The following ZMYND11 variants were observed in gnomAD, a reference collection of about 807,000 sequenced individuals.
ZMYND11 encodes zinc finger MYND domain-containing protein 11.
A neutral mutation model predicts 84.9 loss-of-function variants in ZMYND11; 9 were observed. The ratio of observed to expected loss-of-function variants is 0.11; its 90% CI spans 0.06 to 0.18. The LOEUF is 0.18. ZMYND11 is among the 10% of genes least tolerant of loss of function. ZMYND11 has a pLI of 1.00. For synonymous variants in ZMYND11, 250 were observed against 244.1 expected (o/e 1.02, Z -0.23); for missense variants, 409 against 761.0 (o/e 0.54, Z 5.44).
At chr10:250,480 G>A (rs1029407432) in intron 14 of ZMYND11, among the ~76,000 whole-genome samples, 3 of 152,130 alleles carry the variant, frequency 2.0e-5, no homozygotes, top group Non-Finnish European at 2.9e-5. Flanking sequence ...GGGCGATGGA[G>A]CAAGACCCTG....
chr10:158,792 A>G (rs1842283659), intron 1 of ZMYND11, among the ~76,000 whole-genome samples: 1 of 151,784 alleles, frequency 6.6e-6, no homozygotes, highest in African/African-American at 2.4e-5. Context: ...TTTGATTTGC[A>G]TTTCTGTAAT....
In ZMYND11 at chr10:254,489, G is replaced by A. The variant is rs1425375416; in HGVS notation, c.*2019G>A. ...AATCATAAAGCTATATCGAGGTGTT[G>A]AGCTTAGCCACTATGCACATTGTAA... On this transcript the variant is annotated 3_prime_UTR_variant, in exon 15 of 15. Transcript: ENST00000381604. 7 of 152,610 alleles carry A rather than the reference G, an allele frequency of 4.6e-5. No individual in the cohort carries two copies. In the East Asian group the frequency reaches 1.3e-3, roughly 29 times the overall value. The allele number at this position is 152,610 out of a possible 1,614,324, so 9.5% of individuals were successfully genotyped here. A position where few individuals can be genotyped will look rare whatever the true frequency, so the allele number is the denominator to read the frequency against.
chr10:186,100 C>G (rs923192596), intron 2 of ZMYND11, among the ~76,000 whole-genome samples: 3 of 151,412 alleles, frequency 2.0e-5, no homozygotes, highest in Admixed American at 2.0e-4. Context: ...AGCTCCGCCT[C>G]CCGGGTTCAC....
At chr10:218,486 C>T in intron 3 of ZMYND11, 2 of 393,692 alleles carry the variant, frequency 5.1e-6, no homozygotes, top group South Asian at 2.0e-5. Context: ...TCCAGGACAG[C>T]AGCCCCAAAC....
chr10:205,165 T>G (rs1473915314), intron 2 of ZMYND11, among the ~76,000 whole-genome samples: 1 of 152,188 alleles, frequency 6.6e-6, no homozygotes, highest in African/African-American at 2.4e-5. Flanking sequence ...CTTTGGAAAT[T>G]GGCCTTTTAA....
At position 242,147 on chromosome 10, in the gene ZMYND11, G is replaced by A. The variant is rs756808886; in HGVS notation, c.950+8G>A. On this transcript the variant is annotated splice_region_variant and intron_variant, in intron 10 of 14. Transcript: ENST00000381604. ...TGGCCACCACCACCAGAGGTAATTTGTGATCCCATGTTCAGCGGTCACAGC... is the reference window on the plus strand; with the variant it reads ...TGGCCACCACCACCAGAGGTAATTTATGATCCCATGTTCAGCGGTCACAGC... The A allele has an allele frequency of 1.2e-6, 2 of 1,613,804 alleles. No individual in the cohort carries two copies. Among genetic ancestry groups the A allele is most frequent in the Admixed American group, 1.7e-5 (1 of 59,982 alleles).
intron 3 of ZMYND11, among the ~76,000 whole-genome samples, chr10:215,122 T>C (rs371552541): frequency 2.0e-5 from 3 of 152,228 alleles, no homozygotes; most frequent in African/African-American, 7.2e-5. Context: ...AAAGCTAGAA[T>C]ATTATTTGAC....
chr10:227,346 A>G (rs1948307538), intron 4 of ZMYND11, among the ~76,000 whole-genome samples: 1 of 152,166 alleles, frequency 6.6e-6, no homozygotes, highest in South Asian at 2.1e-4. Context: ...TTAAAAATGG[A>G]CTCAGGAGTC....
At chr10:186,380 C>G (rs1318204481) in intron 2 of ZMYND11, among the ~76,000 whole-genome samples, 1 of 151,776 alleles carries the variant, frequency 6.6e-6, no homozygotes, top group Admixed American at 6.6e-5. Flanking sequence ...CCATGGCTCA[C>G]GCCTGTAATC....
intron 1 of ZMYND11, among the ~76,000 whole-genome samples, chr10:141,293 A>G (rs2131139455): frequency 6.6e-6 from 1 of 152,306 alleles, no homozygotes; most frequent in Admixed American, 6.5e-5. Context: ...AAACTCTGGT[A>G]TGTGCCATAT....
In ZMYND11 at chr10:195,333, A is replaced by G. The variant is rs568689675; in HGVS notation, c.117-14556A>G. Among the ~76,000 whole-genome samples the G allele has an allele frequency of 8.5e-5, 13 of 152,380 alleles. No homozygotes were observed. In the South Asian group the frequency reaches 2.7e-3, roughly 32 times the overall value. ...GAAATACAAGAACGAATAATGAGCA[A>G]AGACTTGATAAATATGTGTTTAAAA... is the stretch of plus-strand genomic sequence containing the variant. On this transcript the variant is annotated intron_variant, in intron 2 of 14. Transcript: ENST00000381604.
intron 2 of ZMYND11, chr10:198,025 G>C (rs1241486056): frequency 1.7e-6 from 1 of 594,290 alleles, no homozygotes; most frequent in Non-Finnish European, 3.0e-6. Context: ...TTTTTAAAAA[G>C]TTGGTAAAAT....
chr10:209,787 TA>T lies in ZMYND11; in HGVS notation c.117-101del, dbSNP rs578219539. The T allele has an allele frequency of 1.4e-4, 168 of 1,175,184 alleles. 2 individuals carry two copies. The South Asian group carries it at 2.6e-3, about 18-fold the overall frequency. The allele number at this position is 1,175,184 out of a possible 1,614,324, so 72.8% of individuals were successfully genotyped here. On this transcript the variant is annotated intron_variant, in intron 2 of 14. Coordinates refer to ENST00000381604, the MANE Select transcript of ZMYND11 (RefSeq NM_001370100.5). ...TTTATCTCAACAGGACTCTCATAAA[TA>T]CAAGTCATAATGAAAGAAATTACCA...
At chr10:242,321 C>G (rs140229906) in intron 10 of ZMYND11, among the ~76,000 whole-genome samples, 182 bp downstream of exon 10, 2 of 152,028 alleles carry the variant, frequency 1.3e-5, no homozygotes, top group East Asian at 3.9e-4. Flanking sequence ...ATATTGTGTA[C>G]TAAACAGGAA....
intron 2 of ZMYND11, 77 bp from the exon 3 acceptor site, chr10:209,809 TACC>T (rs1247389707): frequency 5.8e-6 from 8 of 1,377,650 alleles, no homozygotes; most frequent in Admixed American, 2.0e-5. Context: ...TGAAAGAAAT[TACC>T]ACCATTTTCT....
intron 2 of ZMYND11, among the ~76,000 whole-genome samples, chr10:195,807 G>A (rs986839365): frequency 2.0e-5 from 3 of 152,136 alleles, no homozygotes; most frequent in African/African-American, 7.2e-5. Context: ...TAACATAGGA[G>A]GTGATTTAAC....
intron 3 of ZMYND11, among the ~76,000 whole-genome samples, chr10:218,679 C>T (rs143485336): frequency 1.3e-5 from 2 of 152,256 alleles, no homozygotes; most frequent in African/African-American, 4.8e-5. Flanking sequence ...TATTTAAAAG[C>T]TTTCATGTTT....
chr10:146,130 A>G (rs1314222892), intron 1 of ZMYND11, among the ~76,000 whole-genome samples: 3 of 152,114 alleles, frequency 2.0e-5, no homozygotes, highest in Admixed American at 6.6e-5. Context: ...CATTTATTAG[A>G]TAATGTGTCC....
At chr10:167,252 A>G (rs1844218347) in intron 1 of ZMYND11, among the ~76,000 whole-genome samples, 1 of 152,122 alleles carries the variant, frequency 6.6e-6, no homozygotes, top group Admixed American at 6.6e-5. Context: ...ATATTAATAT[A>G]TATTTCGCTA....
Sources: allele counts gnomAD v4.1 joint callset (sites outside exome capture counted in the v4.1 genomes callset), GRCh38; gene constraint gnomAD v4.1.1; transcripts MANE v1.5; gene names NCBI Gene and HGNC (gene_info 2026-07-23, HGNC 2026-07-21).